SETD2: variants seen among roughly 807,000 people sequenced by gnomAD.
SETD2 encodes the protein SET domain containing 2, histone lysine methyltransferase, also known as histone-lysine N-methyltransferase SETD2.
A neutral mutation model predicts 242.1 loss-of-function variants in SETD2; 31 were observed. The observed-to-expected ratio is 0.13, with a 90% CI of 0.10 to 0.17. SETD2 has a LOEUF of 0.17. Among genes scored for constraint, SETD2 ranks in the 10% least tolerant of loss-of-function variants. The pLI is 1.00. For synonymous variants in SETD2, 1,006 were observed against 1,066.5 expected (o/e 0.94, Z 1.11); for missense variants, 2,481 against 3,046.3 (o/e 0.81, Z 4.37).
chr3:47,084,442 T>G (rs2107641534), intron 11 of SETD2, 60 bp from the exon 12 acceptor site: 7 of 871,324 alleles, frequency 8.0e-6, no homozygotes, highest in Non-Finnish European at 1.2e-5. Flanking sequence ...TTTTTTTTTT[T>G]GAGACAGAGT....
At position 47,123,628 on chromosome 3, in the gene SETD2, T is replaced by G. The variant is rs764441172; in HGVS notation, c.1008A>C (p.Ser336=). 1.9e-4 allele frequency: 290 copies of G among 1,550,168 alleles called. No homozygotes were observed. Among genetic ancestry groups the G allele is most frequent in the Non-Finnish European group, 2.5e-4 (282 of 1,146,740 alleles). Residue 336 remains serine (S), a synonymous_variant, in exon 3 of 21, where the codon TCA becomes TCC. Transcript: ENST00000409792. ...DSVRTSSSQR[S]HDLKFSASIE... is the part of the protein sequence containing the mutation. ...TGCTTGCTGAAAATTTTAAATCATG[T>G]GATCTTTGACTTGAAGAAGTCCGTA...
At chr3:47,120,072 C>A in intron 3 of SETD2, 110 bp downstream of exon 3, 1 of 897,190 alleles carries the variant, frequency 1.1e-6, no homozygotes, top group Middle Eastern at 3.5e-4. Context: ...TTTACTTTAT[C>A]CCACAACTCT....
intron 18 of SETD2, among the ~76,000 whole-genome samples, chr3:47,035,365 T>C (rs1240874274): frequency 6.6e-6 from 1 of 152,198 alleles, no homozygotes; most frequent in East Asian, 1.9e-4. Flanking sequence ...AAAAGGCAAA[T>C]GTTACTGATC....
Position 47,058,487 on chromosome 3 carries a change from A to G in SETD2, c.6294-997T>C, listed in dbSNP as rs1346522852. 5.3e-5 allele frequency among the ~76,000 whole-genome samples: 8 copies of G among 149,868 alleles called. No individual in the cohort carries two copies. The East Asian group carries it at 1.4e-3, about 25-fold the overall frequency. ...AAACACAAAGAGGGAGAATATTCAC[A>G]TAAGACTTGTACATAGCAGCAACAT... On this transcript the variant is annotated intron_variant, in intron 14 of 20. Coordinates refer to ENST00000409792, the MANE Select transcript of SETD2 (RefSeq NM_014159.7).
At chr3:47,034,735 T>C (rs2038926882) in intron 18 of SETD2, among the ~76,000 whole-genome samples, 1 of 152,172 alleles carries the variant, frequency 6.6e-6, no homozygotes, top group African/African-American at 2.4e-5. Flanking sequence ...TAACATATAA[T>C]ACCGTACATT....
At chr3:47,027,119 A>G (rs910952394) in intron 18 of SETD2, among the ~76,000 whole-genome samples, 1 of 152,086 alleles carries the variant, frequency 6.6e-6, no homozygotes, top group African/African-American at 2.4e-5. Context: ...GCAGATCACA[A>G]GGTCAGGAGA....
At chr3:47,135,076 C>T (rs2043562764) in intron 1 of SETD2, among the ~76,000 whole-genome samples, 1 of 152,156 alleles carries the variant, frequency 6.6e-6, no homozygotes, top group Non-Finnish European at 1.5e-5. Flanking sequence ...CTCTACCCCA[C>T]CAGGAATTTC....
In SETD2 at chr3:47,103,337, T is replaced by A. The variant is rs755945859; in HGVS notation, c.4917+9A>T. The A allele has an allele frequency of 5.6e-6, 9 of 1,594,472 alleles. No individual in the cohort carries two copies. Among genetic ancestry groups the A allele is most frequent in the East Asian group, 2.2e-5 (1 of 44,746 alleles). On this transcript the variant is annotated intron_variant, in intron 7 of 20. Transcript: ENST00000409792. ...AAATACCTCAAACTCTAAATCCACC[T>A]CAACTTACTTTTTGGGTTTCACAAT... is the stretch of plus-strand genomic sequence containing the variant.
At chr3:47,065,414 G>T (rs1208117790) in intron 13 of SETD2, among the ~76,000 whole-genome samples, 1 of 151,798 alleles carries the variant, frequency 6.6e-6, no homozygotes, top group Non-Finnish European at 1.5e-5. Flanking sequence ...TACTTTTAGT[G>T]GGTCAGTGGT....
In SETD2 at chr3:47,017,046, A is replaced by C; in HGVS notation, c.*47T>G. On this transcript the variant is annotated 3_prime_UTR_variant, in exon 21 of 21. Transcript: ENST00000409792. The surrounding 1 kb of genome is among the most constrained non-coding windows in gnomAD (Gnocchi z 4.8). ...AAGGCCCACAGGATTTCCTCTCCCT[A>C]GAGTCTGTCTTACCTGACCACCCAT... is the stretch of plus-strand genomic sequence containing the variant. 2.5e-6 allele frequency: 4 copies of C among 1,584,222 alleles called. No homozygotes were observed. The highest frequency in any genetic ancestry group is 2.2e-5 in the East Asian group (1 of 44,694).
intron 9 of SETD2, among the ~76,000 whole-genome samples, chr3:47,094,881 T>C (rs1024343738): frequency 1.3e-5 from 2 of 152,192 alleles, no homozygotes; most frequent in Non-Finnish European, 2.9e-5. Flanking sequence ...CCAAAGGCAC[T>C]AAGACCTATC....
At position 47,086,321 on chromosome 3, in the gene SETD2, T is replaced by C. The variant is rs1259456444; in HGVS notation, c.5278-7A>G. The C allele has an allele frequency of 2.5e-6, 4 of 1,610,750 alleles. No individual in the cohort carries two copies. Among genetic ancestry groups the C allele is most frequent in the Non-Finnish European group, 3.4e-6 (4 of 1,177,912 alleles). Reference sequence around the variant, plus strand: ...AGGACTGTGAGTGTGTGTTCTTTCATGGGGGAAGGGAGACACGATGCAGAG... The same window carrying C: ...AGGACTGTGAGTGTGTGTTCTTTCACGGGGGAAGGGAGACACGATGCAGAG... On this transcript the variant is annotated splice_polypyrimidine_tract_variant and splice_region_variant and intron_variant, in intron 10 of 20. Transcript: ENST00000409792.
chr3:47,083,993 GAGT>G lies in SETD2; in HGVS notation c.5784_5786del (p.Leu1929del), dbSNP rs1225607454. On this transcript the variant is annotated inframe_deletion, in exon 12 of 21. Coordinates refer to ENST00000409792, the MANE Select transcript of SETD2 (RefSeq NM_014159.7). ...CTTTGCATTCAGGCAGCTGTTGTGG[GAGT>G]AGCTGTTGTGACTGCAATTCTTCCT... 1 of 1,614,006 alleles carries G rather than the reference GAGT, an allele frequency of 6.2e-7. No homozygotes were observed. Among genetic ancestry groups the G allele is most frequent in the Non-Finnish European group, 8.5e-7 (1 of 1,180,030 alleles).
chr3:47,146,175 T>C (rs908437450), intron 1 of SETD2, among the ~76,000 whole-genome samples: 2 of 152,118 alleles, frequency 1.3e-5, no homozygotes, highest in Non-Finnish European at 2.9e-5. Context: ...GTACAATATA[T>C]TAGGAGCAAA....
At position 47,121,709 on chromosome 3, in the gene SETD2, C is replaced by T. The variant is rs1410996770; in HGVS notation, c.2927G>A (p.Arg976Lys). ...TCTTTCATCTAAAGAGATTTCTGGT[C>T]TTCCTCTTCTTTCAGGCAATATGGA... ...GNSILPERRG[R>K]PEISLDERGE... is the part of the protein sequence containing the mutation. The change falls in exon 3 of 21, where the codon AGA becomes AAA. Residue 976 changes from arginine to lysine, a missense_variant. By Grantham distance (26) the Arg-to-Lys change is conservative (BLOSUM62 2). Around this residue, in one of 17 missense-constraint regions of SETD2, gnomAD observed 1,300 missense variants for 1,259.2 expected, o/e 1.03. Coordinates refer to ENST00000409792, the MANE Select transcript of SETD2 (RefSeq NM_014159.7). 1 of 1,614,078 alleles carries T rather than the reference C, an allele frequency of 6.2e-7. No homozygotes were observed.
Position 47,149,669 on chromosome 3 carries a change from C to T in SETD2, c.71+14185G>A, listed in dbSNP as rs568754368. On this transcript the variant is annotated intron_variant, in intron 1 of 20. Coordinates refer to ENST00000409792, the MANE Select transcript of SETD2 (RefSeq NM_014159.7). The stretch of plus-strand genomic sequence containing the variant: ...TGCCCTCCCTGATTGCCCACCTGAT[C>T]CCCATCCCAGTAGAAGTCAGATATC... Among the ~76,000 whole-genome samples the T allele has an allele frequency of 3.0e-4, 46 of 152,288 alleles. No individual in the cohort carries two copies. The South Asian group carries it at 9.3e-3, about 31-fold the overall frequency.
chr3:47,117,280 AC>A (rs1332300707), intron 3 of SETD2, among the ~76,000 whole-genome samples: 1,912 of 87,472 alleles, frequency 0.022, 75 homozygotes, highest in African/African-American at 0.088. Context: ...AAAAAAAAAA[AC>A]AAACAAAAAA....
chr3:47,091,536 G>C (rs1243452528), intron 9 of SETD2, among the ~76,000 whole-genome samples: 1 of 152,136 alleles, frequency 6.6e-6, no homozygotes, highest in Non-Finnish European at 1.5e-5. Context: ...GCCAAGGTGG[G>C]TGGATCACCT....
At chr3:47,022,524 T>C (rs1302027864) in intron 18 of SETD2, among the ~76,000 whole-genome samples, 1 of 152,092 alleles carries the variant, frequency 6.6e-6, no homozygotes, top group East Asian at 1.9e-4. Flanking sequence ...AAAGCACTTT[T>C]AAGGAAACCA....
Sources: allele counts gnomAD v4.1 joint callset (sites outside exome capture counted in the v4.1 genomes callset), GRCh38; gene constraint gnomAD v4.1.1; regional missense constraint gnomAD v4.1.1; non-coding constraint Gnocchi (gnomAD v3.1); transcripts MANE v1.5; gene names NCBI Gene and HGNC (gene_info 2026-07-23, HGNC 2026-07-21).